Variants in ACSL4 observed in about 807,000 individuals in gnomAD.
The protein encoded by ACSL4 is acyl-CoA synthetase long chain family member 4.
Under a neutral mutation model 49.1 loss-of-function variants are expected in ACSL4, and 9 were observed. The ratio of observed to expected loss-of-function variants is 0.18; its 90% CI spans 0.11 to 0.32. The LOEUF is 0.32. ACSL4 is among the 10% of genes least tolerant of loss of function. The pLI is 1.00. For missense variants in ACSL4, 333 were observed against 493.7 expected (o/e 0.67, Z 3.08); for synonymous variants, 191 against 170.3 (o/e 1.12, Z -0.95).
rs995398008 is a variant in ACSL4 at position 109,644,279 on chromosome X, A to G, written c.1856-93T>C. 8 of 824,931 alleles carry G rather than the reference A, an allele frequency of 9.7e-6. No homozygotes were observed. The African/African-American group carries it at 1.1e-4, about 11-fold the overall frequency. The allele number at this position is 824,931 out of a possible 1,213,427, so 68.0% of individuals were successfully genotyped here. ...GGGGAAAGAAGGGGAAGGAGAAGCA[A>G]TTAATAAAATATGAGTTTTTCAGGA... On this transcript the variant is annotated intron_variant, in intron 15 of 15. Transcript: ENST00000672401.
chrX:109,654,491 T>C, intron 15 of ACSL4, among the ~76,000 whole-genome samples: 1 of 111,905 alleles, frequency 8.9e-6, no homozygotes, highest in East Asian at 2.8e-4. Context: ...GAATTTAAAT[T>C]GTTTAGAATA....
chrX:109,715,722 T>A (rs1158808005), intron 1 of ACSL4, among the ~76,000 whole-genome samples: 3 of 111,698 alleles, frequency 2.7e-5, no homozygotes, highest in African/African-American at 6.5e-5. Flanking sequence ...CTAAAACTTT[T>A]AAAAATCTAA....
chrX:109,699,299 A>G (rs1925692182), intron 1 of ACSL4, among the ~76,000 whole-genome samples: 1 of 112,174 alleles, frequency 8.9e-6, no homozygotes, highest in Admixed American at 9.4e-5. Context: ...CCCGGGAGTC[A>G]AGATCATGCC....
chrX:109,701,933 G>T (rs1925992076), intron 1 of ACSL4, among the ~76,000 whole-genome samples: 1 of 102,665 alleles, frequency 9.7e-6, no homozygotes, highest in African/African-American at 3.5e-5. Context: ...AACTGGGCCA[G>T]GCGTGGTGGC....
chrX:109,689,652 CT>C (rs930257113), intron 2 of ACSL4, among the ~76,000 whole-genome samples: 2 of 110,934 alleles, frequency 1.8e-5, no homozygotes, highest in African/African-American at 3.3e-5. Flanking sequence ...TCTCTTGCCT[CT>C]TTTTTTTTCT....
At chrX:109,677,688 G>A (rs1197012723) in intron 8 of ACSL4, among the ~76,000 whole-genome samples, 1 of 110,455 alleles carries the variant, frequency 9.1e-6, no homozygotes, top group African/African-American at 3.3e-5. Flanking sequence ...GGCTGAGGCA[G>A]GAGAATCGCT....
Position 109,643,892 on chromosome X carries a change from T to G in ACSL4, c.*137A>C. On this transcript the variant is annotated 3_prime_UTR_variant, in exon 16 of 16. Transcript: ENST00000672401. ...AAACCGGACAACAATTTTAATAACT[T>G]TTGGTTTTGTTTTCTTTTTACTCTA... 1.4e-6 allele frequency: 1 copy of G among 730,128 alleles called. No individual in the cohort carries two copies. The allele number at this position is 730,128 out of a possible 1,213,427, so 60.2% of individuals were successfully genotyped here.
At chrX:109,713,463 AG>A (rs1218835366) in intron 1 of ACSL4, among the ~76,000 whole-genome samples, 1 of 111,955 alleles carries the variant, frequency 8.9e-6, no homozygotes, top group Non-Finnish European at 1.9e-5. Flanking sequence ...GCAGATTCTC[AG>A]GGAAGTGAGA....
chrX:109,694,359 T>C (rs905550831), intron 2 of ACSL4, among the ~76,000 whole-genome samples: 49 of 112,546 alleles, frequency 4.4e-4, no homozygotes, highest in African/African-American at 1.4e-3. Context: ...CAGTATCAGA[T>C]ATAGGGTTTT....
chrX:109,670,705 C>T (rs1446626535), intron 9 of ACSL4, among the ~76,000 whole-genome samples: 2 of 110,991 alleles, frequency 1.8e-5, no homozygotes, highest in Non-Finnish European at 3.8e-5. Flanking sequence ...GCCGCCATCT[C>T]GACTCACTGC....
At chrX:109,652,077 T>C (rs183313009) in intron 15 of ACSL4, among the ~76,000 whole-genome samples, 2 of 111,823 alleles carry the variant, frequency 1.8e-5, no homozygotes, top group African/African-American at 3.2e-5. Context: ...GCAATTTTCA[T>C]AGCCATTAGT....
chrX:109,699,094 C>T (rs778438246), intron 1 of ACSL4, among the ~76,000 whole-genome samples: 59 of 112,350 alleles, frequency 5.3e-4, no homozygotes, highest in African/African-American at 1.7e-3. Context: ...TGGCCAGGTG[C>T]GGTGGCTCAT....
intron 15 of ACSL4, among the ~76,000 whole-genome samples, chrX:109,655,480 T>C (rs1164329503): frequency 1.8e-5 from 2 of 108,900 alleles, no homozygotes; most frequent in Non-Finnish European, 3.8e-5. Context: ...AAAAGAGAAA[T>C]AGAAAATTTT....
At chrX:109,671,624 G>A (rs909654145) in intron 9 of ACSL4, among the ~76,000 whole-genome samples, 1 of 112,692 alleles carries the variant, frequency 8.9e-6, no homozygotes, top group African/African-American at 3.2e-5. Context: ...TGGCGGTTTT[G>A]TCAAATAGAA....
At chrX:109,657,040 C>T (rs1460679525) in intron 15 of ACSL4, among the ~76,000 whole-genome samples, 1 of 110,752 alleles carries the variant, frequency 9.0e-6, no homozygotes, top group Admixed American at 9.6e-5. Flanking sequence ...TATCCAGAGA[C>T]CCATCCACAG....
intron 15 of ACSL4, among the ~76,000 whole-genome samples, chrX:109,655,627 T>C: frequency 9.0e-6 from 1 of 110,689 alleles, no homozygotes; most frequent in Non-Finnish European, 1.9e-5. Context: ...AATTAACATT[T>C]CCCAGAACTG....
At position 109,696,177 on chromosome X, in the gene ACSL4, A is replaced by G. The variant is rs958870545; in HGVS notation, c.-46T>C. On this transcript the variant is annotated 5_prime_UTR_variant, in exon 2 of 16. Transcript: ENST00000672401. ...TCTTTTTCTCTTAAGAAGAACACGA[A>G]TATCTTCTGTGATTTCAATCTGCAG... 4.4e-5 allele frequency: 5 copies of G among 112,443 alleles called. No individual in the cohort carries two copies. The highest frequency in any genetic ancestry group is 1.3e-4 in the African/African-American group (4 of 30,979). The allele number at this position is 112,443 out of a possible 1,213,427, so 9.3% of individuals were successfully genotyped here. A position where few individuals can be genotyped will look rare whatever the true frequency, so the allele number is the denominator to read the frequency against.
intron 8 of ACSL4, among the ~76,000 whole-genome samples, chrX:109,675,812 G>A (rs951453333): frequency 8.9e-5 from 10 of 112,435 alleles, no homozygotes; most frequent in African/African-American, 2.3e-4. Flanking sequence ...TTGTTTTAGA[G>A]TTTAAGCCTT....
At position 109,669,052 on chromosome X, in the gene ACSL4, T is replaced by C. The variant is rs1922930274; in HGVS notation, c.1124A>G (p.Asp375Gly). 2 of 1,204,951 alleles carry C rather than the reference T, an allele frequency of 1.7e-6. No individual in the cohort carries two copies. Among genetic ancestry groups the C allele is most frequent in the Non-Finnish European group, 2.2e-6 (2 of 890,277 alleles). The change falls in exon 10 of 16, where the codon GAT becomes GGT. Residue 375 changes from aspartate (D) to glycine (G), a missense_variant. Physicochemically the swap from Asp to Gly is moderately conservative, Grantham distance 94. Around this residue, in one of 3 missense-constraint regions of ACSL4, gnomAD observed 175 missense variants for 275.8 expected, o/e 0.63. Coordinates refer to ENST00000672401, the MANE Select transcript of ACSL4 (RefSeq NM_001318510.2). ...YKLEQIKKGY[D>G]APLCNLLLFK... ...TACTTACAGATTGCAAAGAGGTGCA[T>C]CATATCCCTTTTTGATCTGTTCCAA...
Sources: gnomAD v4.1 joint callset for allele counts (sites outside exome capture counted in the v4.1 genomes callset) on GRCh38, gnomAD v4.1.1 for gene constraint, gnomAD v4.1.1 regional missense constraint, MANE v1.5 for transcripts, NCBI Gene and HGNC (gene_info 2026-07-23, HGNC 2026-07-21) for gene names.